IL1RAPL1: variants seen among roughly 807,000 people sequenced by gnomAD.
IL1RAPL1 encodes interleukin-1 receptor accessory protein-like 1.
IL1RAPL1 carries 3 observed loss-of-function variants against 48.4 expected under a neutral mutation model. The ratio of observed to expected loss-of-function variants is 0.06; its 90% CI spans 0.03 to 0.16. The LOEUF (loss-of-function observed/expected upper bound fraction) is 0.16. Among genes scored for constraint, IL1RAPL1 ranks in the 10% least tolerant of loss-of-function variants. The probability of loss-of-function intolerance (pLI) is 1.00; values close to 1 mark genes in which losing one functional copy is unlikely to be tolerated. For synonymous variants in IL1RAPL1, 185 were observed against 187.7 expected, an observed-to-expected ratio of 0.99 and a Z score of 0.12; for missense variants, 349 against 530.6, an observed-to-expected ratio of 0.66 and a Z score of 3.36.
chrX:29,736,228 A>G (rs111572759), intron 6 of IL1RAPL1, among the ~76,000 whole-genome samples: 1 of 112,142 alleles, frequency 8.9e-6, no homozygotes, highest in East Asian at 2.8e-4. Context: ...CAACTTTACC[A>G]ATATTTAAAA....
At chrX:29,690,431 A>G (rs998999667) in intron 6 of IL1RAPL1, among the ~76,000 whole-genome samples, 6 of 111,944 alleles carry the variant, frequency 5.4e-5, no homozygotes, top group African/African-American at 1.9e-4. Flanking sequence ...ATAATTAAGC[A>G]TACTAATTCC....
intron 5 of IL1RAPL1, among the ~76,000 whole-genome samples, chrX:29,662,324 C>T (rs4829260): frequency 0.13 from 14,368 of 111,357 alleles, 907 homozygotes; most frequent in African/African-American, 0.24. Context: ...CAGATATGTT[C>T]CAAATGATCA....
At chrX:29,409,170 A>G (rs745409329) in intron 5 of IL1RAPL1, among the ~76,000 whole-genome samples, 13 of 112,266 alleles carry the variant, frequency 1.2e-4, no homozygotes, top group South Asian at 3.7e-4. Context: ...AATTGATGAA[A>G]TTGATAAAAG....
chrX:29,479,656 T>C (rs989694539), intron 5 of IL1RAPL1, among the ~76,000 whole-genome samples: 2 of 109,414 alleles, frequency 1.8e-5, no homozygotes, highest in Non-Finnish European at 3.8e-5. Flanking sequence ...TAGTCTTTTA[T>C]CCCTCACCCG....
At chrX:28,815,581 C>T (rs1408625987) in intron 2 of IL1RAPL1, among the ~76,000 whole-genome samples, 2 of 105,619 alleles carry the variant, frequency 1.9e-5, no homozygotes, top group Non-Finnish European at 3.9e-5. Context: ...TGTATTTGTA[C>T]CCATTAATCA....
intron 3 of IL1RAPL1, among the ~76,000 whole-genome samples, chrX:29,364,963 GA>G (rs1716571773): frequency 1.8e-5 from 2 of 111,162 alleles, no homozygotes; most frequent in Non-Finnish European, 3.8e-5. Flanking sequence ...TAAAAAACAC[GA>G]ATTTCATATA....
chrX:29,646,721 A>AT (rs1925337794), intron 5 of IL1RAPL1, among the ~76,000 whole-genome samples: 1 of 111,292 alleles, frequency 9.0e-6, no homozygotes, highest in South Asian at 3.7e-4. Flanking sequence ...GAAAAAAAAA[A>AT]AGAAAATAAA....
chrX:28,814,747 A>G (rs748406118), intron 2 of IL1RAPL1, among the ~76,000 whole-genome samples: 2 of 101,852 alleles, frequency 2.0e-5, no homozygotes, highest in Non-Finnish European at 4.0e-5. Context: ...TGTTCTTTGT[A>G]TATTTTTATT....
chrX:28,896,982 C>T lies in IL1RAPL1; in HGVS notation c.82+107557C>T, dbSNP rs191926877. 4.0e-3 allele frequency among the ~76,000 whole-genome samples: 445 copies of T among 110,779 alleles called. 4 individuals are homozygous for T. The highest frequency in any genetic ancestry group is 0.014 in the African/African-American group (419 of 30,442). On this transcript the variant is annotated intron_variant, in intron 2 of 10. Coordinates refer to ENST00000378993, the MANE Select transcript of IL1RAPL1 (RefSeq NM_014271.4). ...CTGTCGAGTTTGTATTGGGGTCAAG[C>T]GGCATTGTAGAAGAAAATAAGGCGT... is the stretch of plus-strand genomic sequence containing the variant.
chrX:29,627,146 G>A (rs1322946988), intron 5 of IL1RAPL1, among the ~76,000 whole-genome samples: 1 of 112,108 alleles, frequency 8.9e-6, no homozygotes, highest in Non-Finnish European at 1.9e-5. Context: ...TTTGTTGGGG[G>A]AGAGATGTAT....
rs151249413 is a variant in IL1RAPL1 at position 29,577,363 on chromosome X, C to G, written c.704-91067C>G. Among the ~76,000 whole-genome samples the G allele has an allele frequency of 4.2e-3, 471 of 111,573 alleles. 2 individuals carry two copies. The highest frequency in any genetic ancestry group is 0.015 in the African/African-American group (454 of 30,710). ...GCAATCCTCCATATACTACAATGCC[C>G]TACCCAAGCCTGTTAATTCCACTCC... On this transcript the variant is annotated intron_variant, in intron 5 of 10. Transcript: ENST00000378993.
chrX:28,788,595 T>C (rs780171012), intron 1 of IL1RAPL1, among the ~76,000 whole-genome samples: 1 of 108,463 alleles, frequency 9.2e-6, no homozygotes, highest in African/African-American at 3.4e-5. Flanking sequence ...GCCTCCCAAG[T>C]AGCTGGGCCT....
chrX:29,813,546 T>TAAAA, intron 6 of IL1RAPL1, among the ~76,000 whole-genome samples: 1 of 111,979 alleles, frequency 8.9e-6, no homozygotes, highest in Non-Finnish European at 1.9e-5. Flanking sequence ...TGCATTTTCT[T>TAAAA]AATGCTGGCT....
chrX:29,450,077 A>T (rs763569350), intron 5 of IL1RAPL1, among the ~76,000 whole-genome samples: 42 of 112,031 alleles, frequency 3.7e-4, no homozygotes, highest in Non-Finnish European at 5.6e-4. Flanking sequence ...CAAGCTGGAT[A>T]GAAAATGTCA....
rs1319849317 is a variant in IL1RAPL1, at chrX:29,192,360, G to A, written c.83-90578G>A. On this transcript the variant is annotated intron_variant, in intron 2 of 10. Coordinates refer to ENST00000378993, the MANE Select transcript of IL1RAPL1 (RefSeq NM_014271.4). ...TATACTTACTGAAAACAAGGTATCTGGCATCCCTAGTGTGCATTTTGGTGG... is the reference window on the plus strand; with the variant it reads ...TATACTTACTGAAAACAAGGTATCTAGCATCCCTAGTGTGCATTTTGGTGG... Among the ~76,000 whole-genome samples the A allele has an allele frequency of 3.6e-5, 4 of 111,943 alleles. No individual in the cohort carries two copies. In the East Asian group the frequency reaches 1.1e-3, roughly 31 times the overall value.
At chrX:29,328,870 C>G (rs765798737) in intron 3 of IL1RAPL1, among the ~76,000 whole-genome samples, 8 of 110,497 alleles carry the variant, frequency 7.2e-5, no homozygotes, top group African/African-American at 2.6e-4. Flanking sequence ...CTTTTCCTCT[C>G]ATTATTTAAA....
chrX:28,897,539 G>A (rs1032713606), intron 2 of IL1RAPL1, among the ~76,000 whole-genome samples: 2 of 111,910 alleles, frequency 1.8e-5, no homozygotes, highest in African/African-American at 6.5e-5. Flanking sequence ...TTGGAGAAGA[G>A]AATAAAAAGA....
At chrX:29,834,805 T>TGA (rs765108494) in intron 6 of IL1RAPL1, among the ~76,000 whole-genome samples, 1 of 112,141 alleles carries the variant, frequency 8.9e-6, no homozygotes, top group Non-Finnish European at 1.9e-5. Flanking sequence ...ATTTCTGGTA[T>TGA]ATTTATGATT....
chrX:29,025,102 A>G (rs1405884192), intron 2 of IL1RAPL1, among the ~76,000 whole-genome samples: 1 of 111,798 alleles, frequency 8.9e-6, no homozygotes, highest in Non-Finnish European at 1.9e-5. Context: ...TTAAAGTAAC[A>G]GTTTCAAATT....
Sources: gnomAD v4.1 joint callset for allele counts (sites outside exome capture counted in the v4.1 genomes callset) on GRCh38, gnomAD v4.1.1 for gene constraint, MANE v1.5 for transcripts, NCBI Gene and HGNC (gene_info 2026-07-23, HGNC 2026-07-21) for gene names.